Variants in NVL observed in about 807,000 individuals in gnomAD.
The protein encoded by NVL is nuclear VCP like.
A neutral mutation model predicts 110.2 loss-of-function variants in NVL; 84 were observed. That is an observed-to-expected ratio of 0.76 (90% CI 0.64 to 0.91). The LOEUF (loss-of-function observed/expected upper bound fraction) is 0.91. Among genes scored for constraint, NVL ranks in the 40% least tolerant of loss-of-function variants. The pLI is 0.00. For missense variants in NVL, 882 were observed against 1,035.9 expected (o/e 0.85, Z 2.04); for synonymous variants, 354 against 361.1 (o/e 0.98, Z 0.22).
At chr1:224,238,139 T>C (rs557033743) in intron 19 of NVL, among the ~76,000 whole-genome samples, 17 of 151,660 alleles carry the variant, frequency 1.1e-4, no homozygotes, top group Non-Finnish European at 2.4e-4. Flanking sequence ...GCTCAAGCCA[T>C]CCTCCCACCT....
At chr1:224,238,258 C>T (rs1338868023) in intron 19 of NVL, among the ~76,000 whole-genome samples, 2 of 152,102 alleles carry the variant, frequency 1.3e-5, no homozygotes, top group Admixed American at 1.3e-4. Context: ...ATCTCAAACT[C>T]CTCAGCTCAA....
At chr1:224,259,174 TGCC>T in intron 18 of NVL, among the ~76,000 whole-genome samples, 1 of 151,268 alleles carries the variant, frequency 6.6e-6, no homozygotes, top group Non-Finnish European at 1.5e-5. Context: ...CTGCAACCTC[TGCC>T]TTCTAGGTTC....
intron 19 of NVL, among the ~76,000 whole-genome samples, chr1:224,238,726 G>A (rs562784262): frequency 2.6e-5 from 4 of 152,118 alleles, no homozygotes; most frequent in Admixed American, 2.6e-4. Flanking sequence ...ATTTTCAACC[G>A]AGTCAGGATA....
intron 8 of NVL, among the ~76,000 whole-genome samples, chr1:224,304,076 G>A (rs996653592): frequency 3.3e-5 from 5 of 152,144 alleles, no homozygotes; most frequent in African/African-American, 1.2e-4. Flanking sequence ...ATACCTTGAG[G>A]ATGTAATGCA....
At chr1:224,293,902 C>T (rs1301755416) in intron 12 of NVL, among the ~76,000 whole-genome samples, 1 of 152,238 alleles carries the variant, frequency 6.6e-6, no homozygotes, top group Non-Finnish European at 1.5e-5. Flanking sequence ...CAGCCTTGAA[C>T]TCCTGGGCTC....
At chr1:224,233,083 T>A in intron 21 of NVL, 118 bp downstream of exon 21, 1 of 770,420 alleles carries the variant, frequency 1.3e-6, no homozygotes, top group African/African-American at 1.8e-5. Context: ...ACAGTCTTAT[T>A]AGAAAAACGT....
rs369123762 is a variant in NVL, at chr1:224,317,812, C to A, written c.185-19G>T. ...CTAAATACTGAAACAAAAAGAAAAA[C>A]GCTATGAGCTAAAACAATCGTTTGT... On this transcript the variant is annotated intron_variant, in intron 3 of 22. Transcript: ENST00000281701. 6.4e-7 allele frequency: 1 copy of A among 1,563,358 alleles called. No homozygotes were observed. The highest frequency in any genetic ancestry group is 8.8e-7 in the Non-Finnish European group (1 of 1,136,660).
At chr1:224,304,182 T>C (rs1668686372) in intron 8 of NVL, among the ~76,000 whole-genome samples, 1 of 152,140 alleles carries the variant, frequency 6.6e-6, no homozygotes, top group Non-Finnish European at 1.5e-5. Flanking sequence ...ATCCCAGCAC[T>C]TTGGGAGGCT....
At chr1:224,289,411 T>C in intron 13 of NVL, 73 bp downstream of exon 13, 3 of 1,502,868 alleles carry the variant, frequency 2.0e-6, no homozygotes, top group Non-Finnish European at 2.7e-6. Context: ...TCAATTGTAT[T>C]GACCCTTGCT....
intron 9 of NVL, among the ~76,000 whole-genome samples, chr1:224,303,195 G>A (rs1668587710): frequency 6.6e-6 from 1 of 152,200 alleles, no homozygotes; most frequent in Admixed American, 6.5e-5. Flanking sequence ...AGCACTTTGG[G>A]AGGCTGAGGC....
intron 17 of NVL, among the ~76,000 whole-genome samples, chr1:224,271,779 G>A (rs764494178): frequency 2.6e-5 from 4 of 152,148 alleles, no homozygotes; most frequent in Non-Finnish European, 5.9e-5. Flanking sequence ...TTAGGAGGCC[G>A]AGGCGGGCAG....
intron 15 of NVL, 82 bp downstream of exon 15, chr1:224,285,944 C>T: frequency 2.0e-6 from 2 of 1,016,590 alleles, no homozygotes; most frequent in Non-Finnish European, 1.5e-6. Context: ...AGACTTACCT[C>T]ACTGTAATAT....
chr1:224,329,368 G>A (rs1430600822), intron 1 of NVL, among the ~76,000 whole-genome samples: 1 of 152,122 alleles, frequency 6.6e-6, no homozygotes, highest in African/African-American at 2.4e-5. Context: ...GGAGGTAAGA[G>A]AACAGTGGCA....
Position 224,241,492 on chromosome 1 carries a change from T to G in NVL, c.2290-4910A>C, listed in dbSNP as rs185435649. 4.5e-4 allele frequency among the ~76,000 whole-genome samples: 69 copies of G among 152,264 alleles called. 2 individuals carry two copies. The East Asian group carries it at 8.9e-3, about 20-fold the overall frequency. ...TTTAATAAAGGCCCTAATGGAAATC[T>G]CAAATAGGTTGGTAACTATAGAAAG... On this transcript the variant is annotated intron_variant, in intron 19 of 22. Coordinates refer to ENST00000281701, the MANE Select transcript of NVL (RefSeq NM_002533.4).
chr1:224,311,086 C>T lies in NVL; in HGVS notation c.342+714G>A, dbSNP rs1669474140. Among the ~76,000 whole-genome samples the T allele has an allele frequency of 2.0e-5, 3 of 151,952 alleles. No individual in the cohort carries two copies. The South Asian group carries it at 6.2e-4, about 32-fold the overall frequency. On this transcript the variant is annotated intron_variant, in intron 5 of 22. Transcript: ENST00000281701. ...TTATTTATTTTTTTGGAGACAGGAT[C>T]TGGTTTTGTTGCTCAGGCTGGAGTG...
intron 16 of NVL, among the ~76,000 whole-genome samples, chr1:224,279,470 C>G (rs1479690274): frequency 6.6e-6 from 1 of 152,098 alleles, no homozygotes; most frequent in Non-Finnish European, 1.5e-5. Context: ...TCAACCAAAC[C>G]AAGTTGCAAA....
chr1:224,317,819 A>G, intron 3 of NVL, 26 bp from the exon 4 acceptor site: 8 of 1,558,708 alleles, frequency 5.1e-6, no homozygotes, highest in African/African-American at 1.4e-5. Flanking sequence ...AAACGCTATG[A>G]GCTAAAACAA....
intron 8 of NVL, 116 bp downstream of exon 8, chr1:224,304,620 C>G: frequency 1.2e-6 from 1 of 868,952 alleles, no homozygotes; most frequent in Non-Finnish European, 1.9e-6. Context: ...CCCTTCTCAA[C>G]CTTCCCAGTT....
Position 224,233,294 on chromosome 1 carries a change from A to C in NVL, c.2367-5T>G. On this transcript the variant is annotated splice_region_variant and splice_polypyrimidine_tract_variant and intron_variant, in intron 20 of 22. Transcript: ENST00000281701. ...AAAGCAGAGAGATCTGCGCCCCTAC[A>C]ATAAAATAATAGTTATCTACTTATT... 6.3e-7 allele frequency: 1 copy of C among 1,595,076 alleles called. No individual in the cohort carries two copies. Among genetic ancestry groups the C allele is most frequent in the Non-Finnish European group, 8.5e-7 (1 of 1,173,326 alleles).
Sources: gnomAD v4.1 joint callset for allele counts (sites outside exome capture counted in the v4.1 genomes callset) on GRCh38, gnomAD v4.1.1 for gene constraint, MANE v1.5 for transcripts, NCBI Gene and HGNC (gene_info 2026-07-23, HGNC 2026-07-21) for gene names.